Variants in ANKRD31 observed in about 807,000 individuals in gnomAD.
The protein encoded by ANKRD31 is ankyrin repeat domain 31.
Under a neutral mutation model 186.0 loss-of-function variants are expected in ANKRD31, and 147 were observed. The ratio of observed to expected loss-of-function variants is 0.79; its 90% confidence interval spans 0.69 to 0.91. ANKRD31 has a LOEUF of 0.91. ANKRD31 is among the 40% of genes least tolerant of loss of function. The probability of loss-of-function intolerance (pLI) is 0.00; values close to 1 mark genes in which losing one functional copy is unlikely to be tolerated. For synonymous variants in ANKRD31, 673 were observed against 736.4 expected (o/e 0.91, Z 1.39); for missense variants, 1,986 against 2,148.8 (o/e 0.92, Z 1.50).
intron 25 of ANKRD31, among the ~76,000 whole-genome samples, chr5:75,070,593 A>C (rs1178493164): frequency 6.6e-6 from 1 of 152,210 alleles, no homozygotes; most frequent in Non-Finnish European, 1.5e-5. Context: ...CAGTATTATG[A>C]GACTATGTGT....
chr5:75,106,297 C>A (rs1747326818), intron 21 of ANKRD31, among the ~76,000 whole-genome samples: 1 of 151,924 alleles, frequency 6.6e-6, no homozygotes, highest in African/African-American at 2.4e-5. Flanking sequence ...ACCATGGGTC[C>A]CTGGACCACA....
intron 1 of ANKRD31, among the ~76,000 whole-genome samples, chr5:75,232,816 G>A (rs1223321625): frequency 2.6e-5 from 4 of 152,070 alleles, no homozygotes; most frequent in Admixed American, 1.3e-4. Context: ...AACAGCAGAT[G>A]CTTCCCTTTT....
chr5:75,152,674 A>G (rs1751920297), intron 12 of ANKRD31, among the ~76,000 whole-genome samples: 1 of 152,022 alleles, frequency 6.6e-6, no homozygotes, highest in Admixed American at 6.6e-5. Flanking sequence ...TACTACGTAC[A>G]AGTCACTTTA....
intron 25 of ANKRD31, among the ~76,000 whole-genome samples, chr5:75,074,068 A>G (rs953860550): frequency 6.6e-6 from 1 of 152,186 alleles, no homozygotes; most frequent in African/African-American, 2.4e-5. Flanking sequence ...CACTGTCAGC[A>G]TACATATACT....
chr5:75,105,347 G>A, intron 21 of ANKRD31, 129 bp from the exon 22 acceptor site: 2 of 973,646 alleles, frequency 2.1e-6, no homozygotes, highest in Non-Finnish European at 2.7e-6. Flanking sequence ...CTATGCCTGT[G>A]CAATTTACTG....
intron 11 of ANKRD31, among the ~76,000 whole-genome samples, chr5:75,157,796 C>A (rs1293412546): frequency 6.6e-6 from 1 of 152,116 alleles, no homozygotes; most frequent in Non-Finnish European, 1.5e-5. Context: ...GCTCTGTCTG[C>A]AGAAACACTG....
intron 3 of ANKRD31, among the ~76,000 whole-genome samples, chr5:75,218,405 A>G (rs1031995858): frequency 6.6e-6 from 1 of 152,204 alleles, no homozygotes; most frequent in Non-Finnish European, 1.5e-5. Context: ...GAAGAAATTG[A>G]ATACTTAAAC....
In ANKRD31 at chr5:75,169,044, C is replaced by T; in HGVS notation, c.1642G>A (p.Val548Ile). 1.3e-6 allele frequency: 2 copies of T among 1,536,766 alleles called. No homozygotes were observed. The highest frequency in any genetic ancestry group is 2.4e-5 in the East Asian group (1 of 40,866). ...ATCTGGTATAATCCTTTGATATTTA[C>T]ATCTGCTCCACCTTTTAATAGTTCA... is the stretch of plus-strand genomic sequence containing the variant. ...ASELLKGGAD[V>I]NIKGLYQITP... The change falls in exon 11 of 26, where the codon GTA (valine) becomes ATA (isoleucine). Residue 548 changes from valine (V) to isoleucine (I), a missense_variant. By Grantham distance (29) the Val-to-Ile change is conservative. Coordinates refer to ENST00000506364, the MANE Select transcript of ANKRD31 (RefSeq NM_001372053.1).
At chr5:75,198,818 C>A (rs1230822439) in intron 6 of ANKRD31, among the ~76,000 whole-genome samples, 1 of 152,170 alleles carries the variant, frequency 6.6e-6, no homozygotes, top group African/African-American at 2.4e-5. Flanking sequence ...ATTGCTCGGT[C>A]CTCACAATAC....
intron 23 of ANKRD31, among the ~76,000 whole-genome samples, chr5:75,088,777 C>T (rs1016678547): frequency 3.9e-5 from 6 of 152,160 alleles, no homozygotes; most frequent in African/African-American, 1.4e-4. Flanking sequence ...TATCCATGAA[C>T]AGAAATAATA....
chr5:75,206,555 A>T (rs1756261076), intron 4 of ANKRD31, 68 bp from the exon 5 acceptor site: 1 of 912,666 alleles, frequency 1.1e-6, no homozygotes, highest in South Asian at 3.1e-5. Context: ...ATTCAAATAC[A>T]ATTTAATTTT....
chr5:75,224,244 G>C (rs566304072), intron 2 of ANKRD31, among the ~76,000 whole-genome samples: 1 of 147,308 alleles, frequency 6.8e-6, no homozygotes, highest in African/African-American at 2.5e-5. Context: ...ACTAACAAAA[G>C]TTGGAAGAAG....
rs77647612 is a variant in ANKRD31, at chr5:75,077,500, G to T, written c.5647+3068C>A. ...AAACTATTTAAGCCCTCACTCTTTG[G>T]GGGGGGAATTAAAATCTTATAGGTG... On this transcript the variant is annotated intron_variant, in intron 25 of 25. Coordinates refer to ENST00000506364, the MANE Select transcript of ANKRD31 (RefSeq NM_001372053.1). 1.4e-4 allele frequency among the ~76,000 whole-genome samples: 20 copies of T among 145,128 alleles called. No homozygotes were observed. In the East Asian group the frequency reaches 2.3e-3, roughly 17 times the overall value.
At position 75,091,112 on chromosome 5, in the gene ANKRD31, T is replaced by C. The variant is rs983137646; in HGVS notation, c.5472+149A>G. 8 of 784,906 alleles carry C rather than the reference T, an allele frequency of 1.0e-5. No individual in the cohort carries two copies. The African/African-American group carries it at 1.4e-4, about 14-fold the overall frequency. 48.6% of individuals were successfully genotyped at this position (784,906 alleles called of 1,614,324 possible). A position where few individuals can be genotyped will look rare whatever the true frequency, so the allele number is the denominator to read the frequency against. On this transcript the variant is annotated intron_variant, in intron 23 of 25. Coordinates refer to ENST00000506364, the MANE Select transcript of ANKRD31 (RefSeq NM_001372053.1). ...TTCATTCTGTGACATGCATGTAGCA[T>C]GATATGCATACAGCATATACAGAAT...
intron 23 of ANKRD31, among the ~76,000 whole-genome samples, chr5:75,089,767 C>T (rs941330058): frequency 6.6e-6 from 1 of 152,184 alleles, no homozygotes; most frequent in Non-Finnish European, 1.5e-5. Context: ...AATTGCCCTA[C>T]TTTTAGTGCC....
intron 22 of ANKRD31, among the ~76,000 whole-genome samples, chr5:75,095,160 G>A (rs1210478511): frequency 4.6e-5 from 7 of 152,092 alleles, no homozygotes; most frequent in African/African-American, 7.2e-5. Context: ...GTCAACAGTG[G>A]TTGGAAAATA....
intron 10 of ANKRD31, among the ~76,000 whole-genome samples, chr5:75,185,762 TA>T (rs138917062): frequency 0.045 from 6,772 of 151,988 alleles, 355 homozygotes; most frequent in African/African-American, 0.12. Flanking sequence ...ATACATGTAT[TA>T]AAAAAACACA....
chr5:75,160,518 A>C (rs1752501261), intron 11 of ANKRD31, among the ~76,000 whole-genome samples: 1 of 152,258 alleles, frequency 6.6e-6, no homozygotes. Context: ...AATGGATTAA[A>C]CAACCTAATC....
Position 75,070,078 on chromosome 5 carries a change from G to A in ANKRD31, c.5648-1414C>T, listed in dbSNP as rs140308971. ...AATTCCTTTTTGAGGGGTTGAGGCC[G>A]GTCTGATGTGGGTTTTAAATCATCA... On this transcript the variant is annotated intron_variant, in intron 25 of 25. Transcript: ENST00000506364. Among the ~76,000 whole-genome samples the A allele has an allele frequency of 2.0e-5, 3 of 152,178 alleles. No homozygotes were observed. In the East Asian group the frequency reaches 5.8e-4, roughly 29 times the overall value.
Sources: gnomAD v4.1 joint callset for allele counts (sites outside exome capture counted in the v4.1 genomes callset) on GRCh38, gnomAD v4.1.1 for gene constraint, MANE v1.5 for transcripts, NCBI Gene and HGNC (gene_info 2026-07-23, HGNC 2026-07-21) for gene names.